The following RIN2 variants were observed in gnomAD, a reference collection of about 807,000 sequenced individuals.
The protein encoded by RIN2 is RAB5 interacting protein 2.
A neutral mutation model predicts 78.0 loss-of-function variants in RIN2; 36 were observed. The ratio of observed to expected loss-of-function variants is 0.46; its 90% CI spans 0.35 to 0.61. The LOEUF (loss-of-function observed/expected upper bound fraction) is 0.61, where lower values mean the gene tolerates loss of function less well. Among genes scored for constraint, RIN2 ranks in the 20% least tolerant of loss-of-function variants. RIN2 has a pLI of 0.00. For synonymous variants in RIN2, 466 were observed against 466.8 expected, an observed-to-expected ratio of 1.00 and a Z score of 0.02; for missense variants, 1,087 against 1,159.7, an observed-to-expected ratio of 0.94 and a Z score of 0.91.
At chr20:19,800,745 C>T (rs972613639) in intron 2 of RIN2, among the ~76,000 whole-genome samples, 1 of 152,218 alleles carries the variant, frequency 6.6e-6, no homozygotes, top group African/African-American at 2.4e-5. Context: ...GCTCCTATAG[C>T]AGATTCATGA....
chr20:19,924,417 A>C (rs111212267), intron 3 of RIN2, among the ~76,000 whole-genome samples: 17 of 3,984 alleles, frequency 4.3e-3, no homozygotes, highest in East Asian at 0.038. Context: ...CCTCTTCATA[A>C]CCCTACTTTC....
intron 3 of RIN2, chr20:19,934,466 T>C: frequency 1.0e-6 from 1 of 985,204 alleles, no homozygotes; most frequent in Non-Finnish European, 1.2e-6. Flanking sequence ...GGGCCGCCTT[T>C]TCCCCTAGAT....
intron 2 of RIN2, among the ~76,000 whole-genome samples, chr20:19,819,898 C>T (rs2035879194): frequency 3.3e-5 from 5 of 152,130 alleles, no homozygotes; most frequent in Admixed American, 3.3e-4. Context: ...TCAGAGACGA[C>T]ATCTAATCCA....
intron 2 of RIN2, among the ~76,000 whole-genome samples, chr20:19,831,129 C>T (rs1260354981): frequency 1.3e-5 from 2 of 152,182 alleles, no homozygotes; most frequent in African/African-American, 2.4e-5. Flanking sequence ...TGCCACACTC[C>T]GGGTAGATAC....
intron 2 of RIN2, among the ~76,000 whole-genome samples, chr20:19,862,838 T>C (rs1427247627): frequency 6.6e-6 from 1 of 152,230 alleles, no homozygotes; most frequent in African/African-American, 2.4e-5. Flanking sequence ...ACTGAATCCT[T>C]GCCAAATGCA....
At chr20:19,844,710 T>G (rs867746979) in intron 2 of RIN2, among the ~76,000 whole-genome samples, 1 of 43,284 alleles carries the variant, frequency 2.3e-5, no homozygotes, top group Non-Finnish European at 4.7e-5. Context: ...CTTCTTCTTC[T>G]TCTTCTTCTT....
intron 9 of RIN2, among the ~76,000 whole-genome samples, chr20:19,976,687 A>G (rs2146328127): frequency 6.6e-6 from 1 of 152,324 alleles, no homozygotes; most frequent in East Asian, 1.9e-4. Flanking sequence ...GGTTAATTTC[A>G]GAGACTTTAT....
intron 2 of RIN2, among the ~76,000 whole-genome samples, chr20:19,855,534 T>A (rs2037136718): frequency 6.6e-6 from 1 of 152,180 alleles, no homozygotes; most frequent in Non-Finnish European, 1.5e-5. Context: ...GTTGGTACAT[T>A]TGCCATCCTT....
chr20:19,926,818 A>T (rs565882736), intron 3 of RIN2, among the ~76,000 whole-genome samples: 2 of 152,206 alleles, frequency 1.3e-5, no homozygotes. Context: ...CCTGAATGAG[A>T]CTTGGAATTT....
chr20:19,769,487 C>T (rs114079743), intron 1 of RIN2, among the ~76,000 whole-genome samples: 124 of 152,302 alleles, frequency 8.1e-4, no homozygotes, highest in African/African-American at 2.5e-3. Flanking sequence ...CGTTCTGTGC[C>T]GTAGTCATCA....
chr20:19,788,444 A>AAAAAAAAAAAG (rs2034771599), intron 1 of RIN2, among the ~76,000 whole-genome samples: 1 of 150,174 alleles, frequency 6.7e-6, no homozygotes, highest in Non-Finnish European at 1.5e-5. Context: ...AAAAAAAAAA[A>AAAAAAAAAAAG]AAAAACAACT....
At chr20:19,914,790 C>G (rs527356548) in intron 3 of RIN2, among the ~76,000 whole-genome samples, 1 of 152,164 alleles carries the variant, frequency 6.6e-6, no homozygotes, top group Non-Finnish European at 1.5e-5. Context: ...CTAGGTCATG[C>G]GTGTGCACAT....
chr20:19,789,615 C>T (rs2034824812), intron 1 of RIN2, among the ~76,000 whole-genome samples: 1 of 152,150 alleles, frequency 6.6e-6, no homozygotes, highest in African/African-American at 2.4e-5. Flanking sequence ...CTGCCTGCTC[C>T]CTGTAGGTGG....
chr20:19,942,657 A>G (rs1225127229), intron 4 of RIN2, among the ~76,000 whole-genome samples: 1 of 152,174 alleles, frequency 6.6e-6, no homozygotes, highest in African/African-American at 2.4e-5. Context: ...AATCCATTTA[A>G]ATGGTAGATC....
intron 2 of RIN2, among the ~76,000 whole-genome samples, chr20:19,860,591 G>A (rs2123274975): frequency 6.6e-6 from 1 of 152,210 alleles, no homozygotes; most frequent in East Asian, 1.9e-4. Context: ...CCAAAGTACT[G>A]GGATTACAGG....
At chr20:19,899,696 CA>C (rs1445512628) in intron 3 of RIN2, among the ~76,000 whole-genome samples, 3 of 152,174 alleles carry the variant, frequency 2.0e-5, no homozygotes, top group Non-Finnish European at 2.9e-5. Flanking sequence ...GTTCTCTTCA[CA>C]GGGGTGGCCT....
chr20:19,997,166 G>A (rs532688154), intron 12 of RIN2, among the ~76,000 whole-genome samples: 1 of 152,328 alleles, frequency 6.6e-6, no homozygotes, highest in East Asian at 1.9e-4. Context: ...TCAGGAAACA[G>A]CCGCTGTGTT....
At chr20:19,998,228 C>A (rs73605561) in intron 12 of RIN2, among the ~76,000 whole-genome samples, 1 of 151,894 alleles carries the variant, frequency 6.6e-6, no homozygotes, top group East Asian at 2.0e-4. Flanking sequence ...CTGATCCACC[C>A]GCCTCAGCTT....
At chr20:19,872,399 G>C (rs1240782518) in intron 2 of RIN2, 1 of 152,250 alleles carries the variant, frequency 6.6e-6, no homozygotes, top group Non-Finnish European at 1.5e-5. Flanking sequence ...AGGTGTGGGG[G>C]CACTGGTCCA....
Sources: allele counts gnomAD v4.1 joint callset (sites outside exome capture counted in the v4.1 genomes callset), GRCh38; gene constraint gnomAD v4.1.1; transcripts MANE v1.5; gene names NCBI Gene and HGNC (gene_info 2026-07-23, HGNC 2026-07-21).